Variants in NKX1-2 observed in about 807,000 individuals in gnomAD.
The protein encoded by NKX1-2 is NK1 homeobox 2, also known as NK1 transcription factor-related protein 2.
Under a neutral mutation model 4.4 loss-of-function variants are expected in NKX1-2, and 1 was observed. The observed-to-expected ratio is 0.23, with a 90% confidence interval of 0.08 to 1.08. The LOEUF (loss-of-function observed/expected upper bound fraction) is 1.08. Among genes scored for constraint, NKX1-2 ranks in the 50% least tolerant of loss-of-function variants. The pLI is 0.55. For synonymous variants in NKX1-2, 235 were observed against 228.0 expected, an observed-to-expected ratio of 1.03 and a Z score of -0.28; for missense variants, 503 against 464.6, an observed-to-expected ratio of 1.08 and a Z score of -0.76.
Position 124,447,339 on chromosome 10 carries a change from G to GT in NKX1-2, c.*89_*90insA. ...CGGGCAGGGGTGCGCTGACACCCGCGCACCTGCACCCCCGGTGGAGGAGCC... is the reference window on the plus strand; with the variant it reads ...CGGGCAGGGGTGCGCTGACACCCGCGTCACCTGCACCCCCGGTGGAGGAGCC... On this transcript the variant is annotated 3_prime_UTR_variant, in exon 2 of 2. Coordinates refer to ENST00000451024, the MANE Select transcript of NKX1-2 (RefSeq NM_001146340.3). 7.6e-6 allele frequency: 6 copies of GT among 793,256 alleles called. No homozygotes were observed. Among genetic ancestry groups the GT allele is most frequent in the Non-Finnish European group, 1.0e-5 (6 of 593,200 alleles). The allele number at this position is 793,256 out of a possible 1,614,324, so 49.1% of individuals were successfully genotyped here.
chr10:124,449,892 T>G lies in NKX1-2; in HGVS notation c.52A>C (p.Ile18Leu). 3.2e-6 allele frequency: 5 copies of G among 1,550,244 alleles called. No homozygotes were observed. The highest frequency in any genetic ancestry group is 4.4e-6 in the Non-Finnish European group (5 of 1,145,930). ...GAKAAPSHHK[I>L]SFSVLDILDP... ...AGGATGTCCAGGACAGAGAAAGAAATCTTGTGGTGGGAGGGAGCCGCCTTG... is the reference window on the plus strand; with the variant it reads ...AGGATGTCCAGGACAGAGAAAGAAAGCTTGTGGTGGGAGGGAGCCGCCTTG... Residue 18 changes from isoleucine (I) to leucine (L), a missense_variant, in exon 1 of 2, where the codon ATT (isoleucine) becomes CTT (leucine). Physicochemically the swap from Ile to Leu is conservative, Grantham distance 5. Coordinates refer to ENST00000451024, the MANE Select transcript of NKX1-2 (RefSeq NM_001146340.3). The surrounding 1 kb of genome is among the most constrained non-coding windows in gnomAD (Gnocchi z 7.5).
In NKX1-2 at chr10:124,448,179, T is replaced by C; in HGVS notation, c.215-32A>G. 1 of 1,406,136 alleles carries C rather than the reference T, an allele frequency of 7.1e-7. No homozygotes were observed. Among genetic ancestry groups the C allele is most frequent in the Admixed American group, 3.1e-5 (1 of 31,820 alleles). 87.1% of individuals were successfully genotyped at this position (1,406,136 alleles called of 1,614,324 possible). A position where few individuals can be genotyped will look rare whatever the true frequency, so the allele number is the denominator to read the frequency against. On this transcript the variant is annotated intron_variant, in intron 1 of 1. Coordinates refer to ENST00000451024, the MANE Select transcript of NKX1-2 (RefSeq NM_001146340.3). This position sits in a 1 kb window ranked among gnomAD's most constrained non-coding sequence, Gnocchi z 4.1. ...GAGAAGGGGTCGGTGAACAGAAGCC[T>C]CTCCAGGTCCCCAAACCTCGTCCTC...
rs954623394 is a variant in NKX1-2 at position 124,449,961 on chromosome 10, C to T, written c.-18G>A. On this transcript the variant is annotated 5_prime_UTR_variant, in exon 1 of 2. Transcript: ENST00000451024. This position sits in a 1 kb window ranked among gnomAD's most constrained non-coding sequence, Gnocchi z 7.5. ...GCCAGCATGCCCGTCGCCCACGGGC[C>T]GGCGGTCGGCGGCGCGGGGTTGGGG... 3 of 1,507,638 alleles carry T rather than the reference C, an allele frequency of 2.0e-6. No individual in the cohort carries two copies. In the African/African-American group the frequency reaches 4.2e-5, roughly 21 times the overall value. The allele number at this position is 1,507,638 out of a possible 1,614,324, so 93.4% of individuals were successfully genotyped here.
chr10:124,447,744 C>A lies in NKX1-2; in HGVS notation c.618G>T (p.Gln206His). The A allele has an allele frequency of 3.4e-6, 5 of 1,478,610 alleles. No homozygotes were observed. Among genetic ancestry groups the A allele is most frequent in the Non-Finnish European group, 4.5e-6 (5 of 1,107,676 alleles). 91.6% of individuals were successfully genotyped at this position (1,478,610 alleles called of 1,614,324 possible). A position where few individuals can be genotyped will look rare whatever the true frequency, so the allele number is the denominator to read the frequency against. ...LALSLSLTET[Q>H]VKIWFQNRRT... The stretch of plus-strand genomic sequence containing the variant: ...TGCGATTCTGGAACCAGATTTTGAC[C>A]TGCGTCTCGGTGAGGCTGAGAGACA... Residue 206 changes from glutamine (Q) to histidine (H), a missense_variant, in exon 2 of 2, where the codon CAG becomes CAT. Coordinates refer to ENST00000451024, the MANE Select transcript of NKX1-2 (RefSeq NM_001146340.3).
rs1300561084 is a variant in NKX1-2, at chr10:124,447,940, G to C, written c.422C>G (p.Ser141Cys). Residue 141 changes from serine to cysteine, a missense_variant, in exon 2 of 2, where the codon TCC becomes TGC. Coordinates refer to ENST00000451024, the MANE Select transcript of NKX1-2 (RefSeq NM_001146340.3). Reference sequence around the variant, plus strand: ...CGGGGAGCCGGGGGATCCCGGGGGGGACCTCACAGGGCCGCCCCCGCCGTC... The same window carrying C: ...CGGGGAGCCGGGGGATCCCGGGGGGCACCTCACAGGGCCGCCCCCGCCGTC... Reference protein sequence around the residue: ...CEDGGGGPVRSPPGSPGSPRP... With the variant: ...CEDGGGGPVRCPPGSPGSPRP... 2.9e-6 allele frequency: 4 copies of C among 1,395,432 alleles called. No homozygotes were observed. Among genetic ancestry groups the C allele is most frequent in the Non-Finnish European group, 2.8e-6 (3 of 1,076,376 alleles). The allele number at this position is 1,395,432 out of a possible 1,614,324, so 86.4% of individuals were successfully genotyped here. A position where few individuals can be genotyped will look rare whatever the true frequency, so the allele number is the denominator to read the frequency against.
In NKX1-2 at chr10:124,449,547, G is replaced by T. The variant is rs1484443262; in HGVS notation, c.214+183C>A. On this transcript the variant is annotated intron_variant, in intron 1 of 1. Transcript: ENST00000451024. The surrounding 1 kb of genome is among the most constrained non-coding windows in gnomAD (Gnocchi z 7.5). The stretch of plus-strand genomic sequence containing the variant: ...CGGCAAATCCCTGCCCTGTAATGCG[G>T]GGAGCCTCCTCTCTGCCTCTATCCA... 2.8e-6 allele frequency: 2 copies of T among 702,538 alleles called. No individual in the cohort carries two copies. The highest frequency in any genetic ancestry group is 2.6e-6 in the Non-Finnish European group (1 of 385,988). 43.5% of individuals were successfully genotyped at this position (702,538 alleles called of 1,614,324 possible). A position where few individuals can be genotyped will look rare whatever the true frequency, so the allele number is the denominator to read the frequency against.
Position 124,447,477 on chromosome 10 carries a change from C to A in NKX1-2, c.885G>T (p.Pro295=), listed in dbSNP as rs930817158. ...TAAAPGSPFA[P]FLGPSYLTPF... ...GGGTCAGGTAGGAAGGCCCAAGGAA[C>A]GGCGCGAAAGGGCTCCCGGGGGCGG... Residue 295 remains proline, a synonymous_variant, in exon 2 of 2, where the codon CCG becomes CCT. Transcript: ENST00000451024. The A allele has an allele frequency of 2.3e-5, 29 of 1,268,786 alleles. No homozygotes were observed. The highest frequency in any genetic ancestry group is 2.8e-5 in the Non-Finnish European group (28 of 1,002,880). 78.6% of individuals were successfully genotyped at this position (1,268,786 alleles called of 1,614,324 possible). A position where few individuals can be genotyped will look rare whatever the true frequency, so the allele number is the denominator to read the frequency against.
Position 124,449,957 on chromosome 10 carries a change from G to A in NKX1-2, c.-14C>T, listed in dbSNP as rs565122154. On this transcript the variant is annotated 5_prime_UTR_variant, in exon 1 of 2. Transcript: ENST00000451024. The surrounding 1 kb of genome is among the most constrained non-coding windows in gnomAD (Gnocchi z 7.5). Reference sequence around the variant, plus strand: ...CCATGCCAGCATGCCCGTCGCCCACGGGCCGGCGGTCGGCGGCGCGGGGTT... The same window carrying A: ...CCATGCCAGCATGCCCGTCGCCCACAGGCCGGCGGTCGGCGGCGCGGGGTT... 2 of 1,520,180 alleles carry A rather than the reference G, an allele frequency of 1.3e-6. No individual in the cohort carries two copies. The highest frequency in any genetic ancestry group is 1.4e-5 in the African/African-American group (1 of 72,250). 94.2% of individuals were successfully genotyped at this position (1,520,180 alleles called of 1,614,324 possible). A position where few individuals can be genotyped will look rare whatever the true frequency, so the allele number is the denominator to read the frequency against.
Position 124,450,007 on chromosome 10 carries a change from C to T in NKX1-2, c.-64G>A. On this transcript the variant is annotated 5_prime_UTR_variant, in exon 1 of 2. Coordinates refer to ENST00000451024, the MANE Select transcript of NKX1-2 (RefSeq NM_001146340.3). ...TGGGGATGGCGCCGCTCGGGCTTGCCTTCGGCTGTGGCTTGGCGGTAGCTT... is the reference window on the plus strand; with the variant it reads ...TGGGGATGGCGCCGCTCGGGCTTGCTTTCGGCTGTGGCTTGGCGGTAGCTT... 7.9e-7 allele frequency: 1 copy of T among 1,270,742 alleles called. No homozygotes were observed. The highest frequency in any genetic ancestry group is 1.0e-6 in the Non-Finnish European group (1 of 953,826). The allele number at this position is 1,270,742 out of a possible 1,614,324, so 78.7% of individuals were successfully genotyped here.
At position 124,445,475 on chromosome 10, in the gene NKX1-2, A is replaced by G. The variant is rs945577571; in HGVS notation, c.*1954T>C. 3 of 152,232 alleles carry G rather than the reference A, an allele frequency of 2.0e-5. No individual in the cohort carries two copies. Among genetic ancestry groups the G allele is most frequent in the Non-Finnish European group, 4.4e-5 (3 of 68,046 alleles). 9.4% of individuals were successfully genotyped at this position (152,232 alleles called of 1,614,324 possible). A position where few individuals can be genotyped will look rare whatever the true frequency, so the allele number is the denominator to read the frequency against. On this transcript the variant is annotated 3_prime_UTR_variant, in exon 2 of 2. Transcript: ENST00000451024. ...TATTCCCTCTCTTCTACTGAAGTCC[A>G]TGATTCTGGTACCTGAGAAGACTGG...
chr10:124,446,180 A>T lies in NKX1-2; in HGVS notation c.*1249T>A, dbSNP rs956578014. On this transcript the variant is annotated 3_prime_UTR_variant, in exon 2 of 2. Coordinates refer to ENST00000451024, the MANE Select transcript of NKX1-2 (RefSeq NM_001146340.3). ...AAAAGTGGCAAGGGAATTTCACAGA[A>T]CTAATTTTTTAAGGGAGGTAATAAA... is the stretch of plus-strand genomic sequence containing the variant. 3 of 152,216 alleles carry T rather than the reference A, an allele frequency of 2.0e-5. No individual in the cohort carries two copies. The highest frequency in any genetic ancestry group is 7.2e-5 in the African/African-American group (3 of 41,466). 9.4% of individuals were successfully genotyped at this position (152,216 alleles called of 1,614,324 possible). A position where few individuals can be genotyped will look rare whatever the true frequency, so the allele number is the denominator to read the frequency against.
In NKX1-2 at chr10:124,448,267, A is replaced by T; in HGVS notation, c.215-120T>A. 1.5e-6 allele frequency: 2 copies of T among 1,311,790 alleles called. No individual in the cohort carries two copies. Among genetic ancestry groups the T allele is most frequent in the Non-Finnish European group, 9.7e-7 (1 of 1,033,402 alleles). 81.3% of individuals were successfully genotyped at this position (1,311,790 alleles called of 1,614,324 possible). ...CTCTGGGTGCTGCTCCTGTCCCCACATCGCGCTCCCCTTAGGCCGGACTAC... is the reference window on the plus strand; with the variant it reads ...CTCTGGGTGCTGCTCCTGTCCCCACTTCGCGCTCCCCTTAGGCCGGACTAC... On this transcript the variant is annotated intron_variant, in intron 1 of 1. Transcript: ENST00000451024. This position sits in a 1 kb window ranked among gnomAD's most constrained non-coding sequence, Gnocchi z 4.1.
rs1952272965 is a variant in NKX1-2, at chr10:124,449,147, C to G, written c.214+583G>C. Among the ~76,000 whole-genome samples the G allele has an allele frequency of 6.6e-6, 1 of 152,160 alleles. No homozygotes were observed. Among genetic ancestry groups the G allele is most frequent in the Admixed American group, 6.5e-5 (1 of 15,290 alleles). ...GAAGAAAGTACCGAAAGCTTCCCAACACTCCATCCGAGCCCCGCCCCCAGC... is the reference window on the plus strand; with the variant it reads ...GAAGAAAGTACCGAAAGCTTCCCAAGACTCCATCCGAGCCCCGCCCCCAGC... On this transcript the variant is annotated intron_variant, in intron 1 of 1. Transcript: ENST00000451024. This position sits in a 1 kb window ranked among gnomAD's most constrained non-coding sequence, Gnocchi z 7.5.
Position 124,448,061 on chromosome 10 carries a change from G to A in NKX1-2, c.301C>T (p.Pro101Ser). The A allele has an allele frequency of 7.9e-6, 12 of 1,520,694 alleles. No individual in the cohort carries two copies. The highest frequency in any genetic ancestry group is 1.1e-5 in the Non-Finnish European group (12 of 1,139,500). 94.2% of individuals were successfully genotyped at this position (1,520,694 alleles called of 1,614,324 possible). ...CGCGCAGCCCGCTCCCGCAGCCGCG[G>A]CCTCCTCGGATCCTCCGCATCCTCC... ...EEEDAEDPRR[P>S]RLRERAARLL... Residue 101 changes from proline (P) to serine (S), a missense_variant, in exon 2 of 2, where the codon CCG becomes TCG. By Grantham distance (74) the Pro-to-Ser change is moderately conservative (BLOSUM62 -1). Transcript: ENST00000451024. The surrounding 1 kb of genome is among the most constrained non-coding windows in gnomAD (Gnocchi z 4.1).
rs1468808449 is a variant in NKX1-2 at position 124,445,938 on chromosome 10, GC to G, written c.*1490del. On this transcript the variant is annotated 3_prime_UTR_variant, in exon 2 of 2. Transcript: ENST00000451024. ...TGTAATCCATAATACCAAACAGGGT[GC>G]TTTACTTTGAAGCCATTGACCATTA... 7 of 152,078 alleles carry G rather than the reference GC, an allele frequency of 4.6e-5. No individual in the cohort carries two copies. The highest frequency in any genetic ancestry group is 2.1e-4 in the South Asian group (1 of 4,824). 9.4% of individuals were successfully genotyped at this position (152,078 alleles called of 1,614,324 possible).
rs899574587 is a variant in NKX1-2 at position 124,448,948 on chromosome 10, C to T, written c.214+782G>A. The stretch of plus-strand genomic sequence containing the variant: ...TTGGGGAGGGGAGCAGGGGGCTGCG[C>T]GGCATCCAGCCTCCCCCGATGACCT... On this transcript the variant is annotated intron_variant, in intron 1 of 1. Coordinates refer to ENST00000451024, the MANE Select transcript of NKX1-2 (RefSeq NM_001146340.3). This position sits in a 1 kb window ranked among gnomAD's most constrained non-coding sequence, Gnocchi z 4.1. Among the ~76,000 whole-genome samples, 6 of 152,182 alleles carry T rather than the reference C, an allele frequency of 3.9e-5. No individual in the cohort carries two copies. Among genetic ancestry groups the T allele is most frequent in the African/African-American group, 1.2e-4 (5 of 41,448 alleles).
At position 124,447,182 on chromosome 10, in the gene NKX1-2, T is replaced by C. The variant is rs1320949574; in HGVS notation, c.*247A>G. 1 of 372,312 alleles carries C rather than the reference T, an allele frequency of 2.7e-6. No individual in the cohort carries two copies. Among genetic ancestry groups the C allele is most frequent in the African/African-American group, 2.1e-5 (1 of 47,920 alleles). 23.1% of individuals were successfully genotyped at this position (372,312 alleles called of 1,614,324 possible). A position where few individuals can be genotyped will look rare whatever the true frequency, so the allele number is the denominator to read the frequency against. ...TCAAAAACTAGCCCCTGAACTGAATTAAACCTGACCCAAAGTGAACAGCAA... is the reference window on the plus strand; with the variant it reads ...TCAAAAACTAGCCCCTGAACTGAATCAAACCTGACCCAAAGTGAACAGCAA... On this transcript the variant is annotated 3_prime_UTR_variant, in exon 2 of 2. Coordinates refer to ENST00000451024, the MANE Select transcript of NKX1-2 (RefSeq NM_001146340.3).
rs1326240575 is a variant in NKX1-2 at position 124,445,998 on chromosome 10, A to G, written c.*1431T>C. ...TGTTAGTAGCACAGGCTACCAAAAA[A>G]TAGCAAGGAATATGGTATCCACACA... On this transcript the variant is annotated 3_prime_UTR_variant, in exon 2 of 2. Transcript: ENST00000451024. 6.6e-6 allele frequency: 1 copy of G among 152,220 alleles called. No individual in the cohort carries two copies. Among genetic ancestry groups the G allele is most frequent in the African/African-American group, 2.4e-5 (1 of 41,448 alleles). 9.4% of individuals were successfully genotyped at this position (152,220 alleles called of 1,614,324 possible). A position where few individuals can be genotyped will look rare whatever the true frequency, so the allele number is the denominator to read the frequency against.
chr10:124,448,259 G>T lies in NKX1-2; in HGVS notation c.215-112C>A, dbSNP rs1400071693. On this transcript the variant is annotated intron_variant, in intron 1 of 1. Transcript: ENST00000451024. This position sits in a 1 kb window ranked among gnomAD's most constrained non-coding sequence, Gnocchi z 4.1. ...CAACCCAACTCTGGGTGCTGCTCCT[G>T]TCCCCACATCGCGCTCCCCTTAGGC... 14 of 1,317,646 alleles carry T rather than the reference G, an allele frequency of 1.1e-5. No individual in the cohort carries two copies. Among genetic ancestry groups the T allele is most frequent in the Non-Finnish European group, 1.3e-5 (13 of 1,037,288 alleles). 81.6% of individuals were successfully genotyped at this position (1,317,646 alleles called of 1,614,324 possible).
Sources: gnomAD v4.1 joint callset for allele counts (sites outside exome capture counted in the v4.1 genomes callset) on GRCh38, gnomAD v4.1.1 for gene constraint, Gnocchi (gnomAD v3.1) non-coding constraint, MANE v1.5 for transcripts, NCBI Gene and HGNC (gene_info 2026-07-23, HGNC 2026-07-21) for gene names.